Variants in ZNF37A observed in about 807,000 individuals in gnomAD.
The protein encoded by ZNF37A is zinc finger protein 37a (KOX 21).
A neutral mutation model predicts 12.3 loss-of-function variants in ZNF37A; 10 were observed. The observed-to-expected ratio is 0.82, with a 90% CI of 0.50 to 1.38. The LOEUF (loss-of-function observed/expected upper bound fraction) is 1.38. ZNF37A is among the 40% of genes most tolerant of loss of function. ZNF37A has a pLI of 0.00. For synonymous variants in ZNF37A, 207 were observed against 223.0 expected (o/e 0.93, Z 0.64); for missense variants, 580 against 651.2 (o/e 0.89, Z 1.19).
chr10:38,134,039 C>T (rs1211979524), intron 7 of ZNF37A, among the ~76,000 whole-genome samples: 2 of 152,164 alleles, frequency 1.3e-5, no homozygotes, highest in East Asian at 3.9e-4. Flanking sequence ...ATCATTTGAT[C>T]TTCAATCACT....
chr10:38,134,171 T>G (rs2070072470), intron 7 of ZNF37A, among the ~76,000 whole-genome samples: 1 of 152,216 alleles, frequency 6.6e-6, no homozygotes, highest in Admixed American at 6.5e-5. Flanking sequence ...CTGTTTATTC[T>G]AGTTAGCCAT....
exon 8 of ZNF37A, chr10:38,147,735 C>A (rs2070272575): frequency 6.6e-6 from 1 of 152,172 alleles, no homozygotes; most frequent in Non-Finnish European, 1.5e-5. Context: ...AGAAGCATAG[C>A]TGCTCTGCTC....
At chr10:38,138,024 A>G (rs1391680894) in intron 7 of ZNF37A, 1 of 152,218 alleles carries the variant, frequency 6.6e-6, no homozygotes. Context: ...GACTCATTAT[A>G]TTGGCATCCT....
chr10:38,122,843 A>G lies in ZNF37A; in HGVS notation c.*4006A>G, dbSNP rs2069787096. The G allele has an allele frequency of 6.6e-6, 1 of 152,224 alleles. No individual in the cohort carries two copies. Among genetic ancestry groups the G allele is most frequent in the Non-Finnish European group, 1.5e-5 (1 of 68,038 alleles). The allele number at this position is 152,224 out of a possible 1,614,324, so 9.4% of individuals were successfully genotyped here. On this transcript the variant is annotated 3_prime_UTR_variant, in exon 8 of 8. Coordinates refer to ENST00000685332, the MANE Select transcript of ZNF37A (RefSeq NM_001324250.3). ...CAAATGGGATCACATCAAGTTAAAA[A>G]TCTTCTGCATTGCAAAGGAAATAAC...
rs1263486862 is a variant in ZNF37A, at chr10:38,117,580, A to G, written c.429A>G (p.Glu143=). 6.2e-7 allele frequency: 1 copy of G among 1,613,236 alleles called. No individual in the cohort carries two copies. Among genetic ancestry groups the G allele is most frequent in the Non-Finnish European group, 8.5e-7 (1 of 1,179,814 alleles). The part of the protein sequence containing the change: ...LIWHQKIKNW[E]QSFEYNECGK... ...GGCATCAGAAAATTAAAAATTGGGA[A>G]CAATCTTTTGAATACAATGAATGTG... is the stretch of plus-strand genomic sequence containing the variant. Residue 143 remains glutamate, a synonymous_variant, in exon 8 of 8, where the codon GAA becomes GAG. Coordinates refer to ENST00000685332, the MANE Select transcript of ZNF37A (RefSeq NM_001324250.3).
In ZNF37A at chr10:38,119,450, AC is replaced by A. The variant is rs1170731445; in HGVS notation, c.*614del. On this transcript the variant is annotated 3_prime_UTR_variant, in exon 8 of 8. Transcript: ENST00000685332. Reference sequence around the variant, plus strand: ...GTAATAAGAAGTAGCTTCTCAGTGAACATCAGATAGTAGAGAAAGTATTTTT... The same window carrying A: ...GTAATAAGAAGTAGCTTCTCAGTGAAATCAGATAGTAGAGAAAGTATTTTT... The A allele has an allele frequency of 1.2e-5, 11 of 947,890 alleles. No homozygotes were observed. Among genetic ancestry groups the A allele is most frequent in the African/African-American group, 1.8e-5 (1 of 56,384 alleles). The allele number at this position is 947,890 out of a possible 1,614,324, so 58.7% of individuals were successfully genotyped here. A position where few individuals can be genotyped will look rare whatever the true frequency, so the allele number is the denominator to read the frequency against.
At chr10:38,127,806 ACT>A (rs1288953851), downstream of ZNF37A, among the ~76,000 whole-genome samples, 3 of 152,190 alleles carry the variant, frequency 2.0e-5, no homozygotes, top group African/African-American at 4.8e-5. Context: ...AGTATAACAA[ACT>A]CAATATAATG....
chr10:38,107,044 C>T lies in ZNF37A; in HGVS notation c.16-7711C>T, dbSNP rs576222722. ...TCGTAAAGAAGAGCAACCCAAGACA[C>T]ATAATCATCAGATTCAGCAAGGTTG... On this transcript the variant is annotated intron_variant, in intron 5 of 7. Coordinates refer to ENST00000685332, the MANE Select transcript of ZNF37A (RefSeq NM_001324250.3). Among the ~76,000 whole-genome samples, 3 of 152,252 alleles carry T rather than the reference C, an allele frequency of 2.0e-5. No individual in the cohort carries two copies. In the South Asian group the frequency reaches 6.2e-4, roughly 32 times the overall value.
rs2069511212 is a variant in ZNF37A, at chr10:38,118,810, A to C, written c.1659A>C (p.Val553=). 6.3e-7 allele frequency: 1 copy of C among 1,584,582 alleles called. No homozygotes were observed. The highest frequency in any genetic ancestry group is 1.4e-5 in the African/African-American group (1 of 73,922). The part of the protein sequence containing the change: ...RIHLGRNPIN[V]VNEGNYSG ...ACTTGGGGAGAAACCCTATAAATGTAGTAAACGAGGGAAATTACTCTGGGT... is the reference window on the plus strand; with the variant it reads ...ACTTGGGGAGAAACCCTATAAATGTCGTAAACGAGGGAAATTACTCTGGGT... Residue 553 remains valine, a synonymous_variant, in exon 8 of 8, where the codon GTA becomes GTC. Transcript: ENST00000685332.
intron 5 of ZNF37A, among the ~76,000 whole-genome samples, chr10:38,106,899 C>T (rs1420046172): frequency 2.6e-5 from 4 of 152,068 alleles, no homozygotes; most frequent in Admixed American, 6.6e-5. Context: ...CTGAAAGTGA[C>T]GGGGACAATG....
At chr10:38,099,357 C>T (rs1315926679) in intron 5 of ZNF37A, among the ~76,000 whole-genome samples, 1 of 152,192 alleles carries the variant, frequency 6.6e-6, no homozygotes, top group Non-Finnish European at 1.5e-5. Context: ...TGCTATATCT[C>T]ATTTAAGTGA....
chr10:38,132,884 G>A (rs1397577998), intron 7 of ZNF37A, among the ~76,000 whole-genome samples: 1 of 151,798 alleles, frequency 6.6e-6, no homozygotes, highest in Non-Finnish European at 1.5e-5. Flanking sequence ...GAAGTCACCA[G>A]CTATTATCAT....
Position 38,107,380 on chromosome 10 carries a change from G to A in ZNF37A, c.16-7375G>A, listed in dbSNP as rs529820031. 8.5e-5 allele frequency among the ~76,000 whole-genome samples: 13 copies of A among 152,212 alleles called. No homozygotes were observed. In the East Asian group the frequency reaches 2.1e-3, roughly 25 times the overall value. On this transcript the variant is annotated intron_variant, in intron 5 of 7. Transcript: ENST00000685332. Reference sequence around the variant, plus strand: ...GCACTAAACATGGAAAGGAACAACCGGTACCAGCCACTGCAACAACATACC... The same window carrying A: ...GCACTAAACATGGAAAGGAACAACCAGTACCAGCCACTGCAACAACATACC...
Position 38,119,191 on chromosome 10 carries a change from A to C in ZNF37A, c.*354A>C. ...TCTGCTACTACTACAGTTTCACAGAATACCTGAGAAGACACACTTGGAGAA... is the reference window on the plus strand; with the variant it reads ...TCTGCTACTACTACAGTTTCACAGACTACCTGAGAAGACACACTTGGAGAA... On this transcript the variant is annotated 3_prime_UTR_variant, in exon 8 of 8. Coordinates refer to ENST00000685332, the MANE Select transcript of ZNF37A (RefSeq NM_001324250.3). 1 of 1,022,822 alleles carries C rather than the reference A, an allele frequency of 9.8e-7. No homozygotes were observed. The highest frequency in any genetic ancestry group is 1.2e-6 in the Non-Finnish European group (1 of 845,254). The allele number at this position is 1,022,822 out of a possible 1,614,324, so 63.4% of individuals were successfully genotyped here.
intron 7 of ZNF37A, chr10:38,142,158 T>C (rs952754046): frequency 6.6e-6 from 1 of 152,150 alleles, no homozygotes; most frequent in Non-Finnish European, 1.5e-5. Context: ...TTTGTCTTAA[T>C]AAGGAAGTCT....
In ZNF37A at chr10:38,118,581, G is replaced by T. The variant is rs371302765; in HGVS notation, c.1430G>T (p.Arg477Leu). Residue 477 changes from arginine (R) to leucine (L), a missense_variant, in exon 8 of 8, where the codon CGT (arginine) becomes CTT (leucine). Transcript: ENST00000685332. ...FGCNECGKTF[R>L]QKSALIVHQR... Reference sequence around the variant, plus strand: ...TGTAATGAATGTGGGAAAACCTTCCGTCAGAAGTCAGCCCTAATTGTTCAC... The same window carrying T: ...TGTAATGAATGTGGGAAAACCTTCCTTCAGAAGTCAGCCCTAATTGTTCAC... The T allele has an allele frequency of 2.5e-6, 4 of 1,605,394 alleles. No individual in the cohort carries two copies. Among genetic ancestry groups the T allele is most frequent in the Non-Finnish European group, 3.4e-6 (4 of 1,174,786 alleles).
At chr10:38,130,806 C>T (rs1435697331) in intron 7 of ZNF37A, among the ~76,000 whole-genome samples, 3 of 152,272 alleles carry the variant, frequency 2.0e-5, no homozygotes, top group Admixed American at 2.0e-4. Context: ...CACCATTTTA[C>T]ATTCCCATAA....
In ZNF37A at chr10:38,120,242, A is replaced by T. The variant is rs1305815884; in HGVS notation, c.*1405A>T. 3.9e-5 allele frequency: 6 copies of T among 152,182 alleles called. No homozygotes were observed. Among genetic ancestry groups the T allele is most frequent in the African/African-American group, 1.4e-4 (6 of 41,434 alleles). The allele number at this position is 152,182 out of a possible 1,614,324, so 9.4% of individuals were successfully genotyped here. A position where few individuals can be genotyped will look rare whatever the true frequency, so the allele number is the denominator to read the frequency against. On this transcript the variant is annotated 3_prime_UTR_variant, in exon 8 of 8. Transcript: ENST00000685332. ...TCAGGAGTTCCAGACCAGCCTGGCCAACATGATGAAACCCTGTCTCTACTA... is the reference window on the plus strand; with the variant it reads ...TCAGGAGTTCCAGACCAGCCTGGCCTACATGATGAAACCCTGTCTCTACTA...
At position 38,120,439 on chromosome 10, in the gene ZNF37A, G is replaced by A. The variant is rs1334514295; in HGVS notation, c.*1602G>A. Reference sequence around the variant, plus strand: ...GAGAGATTCAAAAAACAAAAAAAAAGCAAAAATATACTTTGCTATTGGGTA... The same window carrying A: ...GAGAGATTCAAAAAACAAAAAAAAAACAAAAATATACTTTGCTATTGGGTA... On this transcript the variant is annotated 3_prime_UTR_variant, in exon 8 of 8. Transcript: ENST00000685332. 4 of 150,406 alleles carry A rather than the reference G, an allele frequency of 2.7e-5. No homozygotes were observed. Among genetic ancestry groups the A allele is most frequent in the African/African-American group, 9.8e-5 (4 of 40,770 alleles). The allele number at this position is 150,406 out of a possible 1,614,324, so 9.3% of individuals were successfully genotyped here. A position where few individuals can be genotyped will look rare whatever the true frequency, so the allele number is the denominator to read the frequency against.
Sources: gnomAD v4.1 joint callset for allele counts (sites outside exome capture counted in the v4.1 genomes callset) on GRCh38, gnomAD v4.1.1 for gene constraint, MANE v1.5 for transcripts, NCBI Gene and HGNC (gene_info 2026-07-23, HGNC 2026-07-21) for gene names.